The following RETREG2 variants were observed in gnomAD, a reference collection of about 807,000 sequenced individuals.
RETREG2 encodes the protein reticulophagy regulator 2.
A neutral mutation model predicts 51.6 loss-of-function variants in RETREG2; 21 were observed. That is an observed-to-expected ratio of 0.41 (90% confidence interval 0.29 to 0.59). The LOEUF is 0.59. RETREG2 is among the 20% of genes least tolerant of loss of function. RETREG2 has a pLI of 0.34. For synonymous variants in RETREG2, 339 were observed against 288.6 expected, an observed-to-expected ratio of 1.17 and a Z score of -1.77; for missense variants, 674 against 646.0, an observed-to-expected ratio of 1.04 and a Z score of -0.47.
rs1174628552 is a variant in RETREG2 at position 219,182,824 on chromosome 2, G to A, written c.*195G>A. 1.6e-6 allele frequency: 1 copy of A among 638,042 alleles called. No individual in the cohort carries two copies. The allele number at this position is 638,042 out of a possible 1,614,324, so 39.5% of individuals were successfully genotyped here. ...GGTGCAGTACCTGTGCCTAGGATTG[G>A]TTTTAAATTTGTAAATAATTTTCCA... On this transcript the variant is annotated 3_prime_UTR_variant, in exon 9 of 9. Transcript: ENST00000430297.
Position 219,182,689 on chromosome 2 carries a change from G to A in RETREG2, c.*60G>A. On this transcript the variant is annotated 3_prime_UTR_variant, in exon 9 of 9. Coordinates refer to ENST00000430297, the MANE Select transcript of RETREG2 (RefSeq NM_024293.6). ...GGGCTTCCTGGCTAGGAGTGTTGCT[G>A]TTTCCTCCTTTGCCTACCACTCTGG... The A allele has an allele frequency of 1.3e-6, 2 of 1,577,672 alleles. No homozygotes were observed. Among genetic ancestry groups the A allele is most frequent in the South Asian group, 1.1e-5 (1 of 87,084 alleles).
rs76641841 is a variant in RETREG2 at position 219,180,090 on chromosome 2, G to C, written c.420-20G>C. On this transcript the variant is annotated intron_variant, in intron 3 of 8. Coordinates refer to ENST00000430297, the MANE Select transcript of RETREG2 (RefSeq NM_024293.6). ...AAGCTGGTATCTGAGGCCTCCAGGG[G>C]TCATGTCATGTCTCCCCAGTGAGGG... The C allele has an allele frequency of 9.2e-5, 149 of 1,613,652 alleles. No individual in the cohort carries two copies. In the East Asian group the frequency reaches 2.8e-3, roughly 30 times the overall value.
intron 8 of RETREG2, 36 bp downstream of exon 8, chr2:219,181,811 C>A (rs1277098387): frequency 2.5e-6 from 4 of 1,606,138 alleles, no homozygotes; most frequent in Non-Finnish European, 3.4e-6. Flanking sequence ...CTCCCCGCCA[C>A]AATCTTTGTG....
rs1159975297 is a variant in RETREG2 at position 219,180,174 on chromosome 2, G to A, written c.484G>A (p.Ala162Thr). ...TGTGCCCGAGTTGTGCAGATACCTG[G>A]CTGAGAGCTGGCTCACCTTCCAGAT... ...LSVPELCRYL[A>T]ESWLTFQIHL... The change falls in exon 4 of 9, where the codon GCT becomes ACT. Residue 162 changes from alanine to threonine, a missense_variant. Coordinates refer to ENST00000430297, the MANE Select transcript of RETREG2 (RefSeq NM_024293.6). 1 of 1,614,072 alleles carries A rather than the reference G, an allele frequency of 6.2e-7. No individual in the cohort carries two copies. Among genetic ancestry groups the A allele is most frequent in the Non-Finnish European group, 8.5e-7 (1 of 1,180,030 alleles).
intron 5 of RETREG2, 60 bp from the exon 6 acceptor site, chr2:219,181,002 G>T (rs1468000171): frequency 1.2e-6 from 2 of 1,602,724 alleles, no homozygotes; most frequent in African/African-American, 1.3e-5. Flanking sequence ...GGGACCAGTT[G>T]AATGGGGGCT....
At chr2:219,180,643 T>G (rs1278653739) in intron 4 of RETREG2, 27 bp from the exon 5 acceptor site, 2 of 1,614,134 alleles carry the variant, frequency 1.2e-6, no homozygotes, top group African/African-American at 2.7e-5. Context: ...CAGCGTGATG[T>G]TCTTAGACTT....
In RETREG2 at chr2:219,185,405, T is replaced by C. The variant is rs2106404081; in HGVS notation, c.*2776T>C. ...CATTTTAGCTATGTATTCAAACAGC[T>C]AATAGTTTAATGTTGCTGCTTATAA... On this transcript the variant is annotated 3_prime_UTR_variant, in exon 9 of 9. Transcript: ENST00000430297. The C allele has an allele frequency of 6.6e-6, 1 of 152,220 alleles. No homozygotes were observed. Among genetic ancestry groups the C allele is most frequent in the East Asian group, 1.9e-4 (1 of 5,206 alleles). 9.4% of individuals were successfully genotyped at this position (152,220 alleles called of 1,614,324 possible). A position where few individuals can be genotyped will look rare whatever the true frequency, so the allele number is the denominator to read the frequency against.
At chr2:219,180,583 T>C in intron 4 of RETREG2, 87 bp from the exon 5 acceptor site, 2 of 1,604,050 alleles carry the variant, frequency 1.2e-6, no homozygotes, top group Non-Finnish European at 1.7e-6. Context: ...TACCCATCCT[T>C]CTACCAGCTG....
rs568821496 is a variant in RETREG2 at position 219,181,482 on chromosome 2, G to A, written c.879+19G>A. 61 of 1,612,922 alleles carry A rather than the reference G, an allele frequency of 3.8e-5. No individual in the cohort carries two copies. The highest frequency in any genetic ancestry group is 6.7e-5 in the African/African-American group (5 of 74,978). On this transcript the variant is annotated intron_variant, in intron 7 of 8. Coordinates refer to ENST00000430297, the MANE Select transcript of RETREG2 (RefSeq NM_024293.6). Reference sequence around the variant, plus strand: ...CCCAGTGGTGAGGTCCAGGGAAAGCGGGGGTGTCAAATAGAAAGCCAGAGG... The same window carrying A: ...CCCAGTGGTGAGGTCCAGGGAAAGCAGGGGTGTCAAATAGAAAGCCAGAGG...
chr2:219,178,457 CACCAGTGAGGCA>C lies in RETREG2; in HGVS notation c.106_117del (p.Thr36_Ala39del). The C allele has an allele frequency of 1.2e-6, 1 of 867,694 alleles. No individual in the cohort carries two copies. The highest frequency in any genetic ancestry group is 1.7e-6 in the Non-Finnish European group (1 of 587,360). 53.7% of individuals were successfully genotyped at this position (867,694 alleles called of 1,614,324 possible). ...GTCTGAGCCTAGGCATGAGTGAGGC[CACCAGTGAGGCA>C]GAGGAGGAGGCGGCCACGGCCGAGG... On this transcript the variant is annotated inframe_deletion, in exon 1 of 9. Transcript: ENST00000430297.
In RETREG2 at chr2:219,178,571, G is replaced by A; in HGVS notation, c.219G>A (p.Leu73=). The part of the protein sequence containing the change: ...WEAVLAAAQR[L]LVWEKPLHSL... ...CGGTGCTGGCGGCGGCGCAGCGGTT[G>A]CTGGTGTGGGAGAAGCCGCTGCACA... The change falls in exon 1 of 9, where the codon TTG becomes TTA. Residue 73 remains leucine, a synonymous_variant. Transcript: ENST00000430297. The A allele has an allele frequency of 7.5e-6, 11 of 1,459,384 alleles. No homozygotes were observed. The Middle Eastern group carries it at 7.3e-4, about 96-fold the overall frequency. 90.4% of individuals were successfully genotyped at this position (1,459,384 alleles called of 1,614,324 possible). A position where few individuals can be genotyped will look rare whatever the true frequency, so the allele number is the denominator to read the frequency against.
chr2:219,181,609 CAT>C, intron 7 of RETREG2, 29 bp from the exon 8 acceptor site: 1 of 1,612,030 alleles, frequency 6.2e-7, no homozygotes, highest in Non-Finnish European at 8.5e-7. Context: ...TATCCCCTCA[CAT>C]GTCGTGTTCA....
At position 219,182,711 on chromosome 2, in the gene RETREG2, CTG is replaced by C; in HGVS notation, c.*83_*84del. Reference sequence around the variant, plus strand: ...GCTGTTTCCTCCTTTGCCTACCACTCTGGGGTGGGGCAGTGTGTGGGGAAGCT... The same window carrying C: ...GCTGTTTCCTCCTTTGCCTACCACTCGGGTGGGGCAGTGTGTGGGGAAGCT... On this transcript the variant is annotated 3_prime_UTR_variant, in exon 9 of 9. Coordinates refer to ENST00000430297, the MANE Select transcript of RETREG2 (RefSeq NM_024293.6). 3 of 1,521,050 alleles carry C rather than the reference CTG, an allele frequency of 2.0e-6. No individual in the cohort carries two copies. Among genetic ancestry groups the C allele is most frequent in the South Asian group, 1.2e-5 (1 of 81,714 alleles). The allele number at this position is 1,521,050 out of a possible 1,614,324, so 94.2% of individuals were successfully genotyped here.
chr2:219,181,225 C>T lies in RETREG2; in HGVS notation c.784+20C>T. 1 of 1,613,524 alleles carries T rather than the reference C, an allele frequency of 6.2e-7. No homozygotes were observed. The highest frequency in any genetic ancestry group is 8.5e-7 in the Non-Finnish European group (1 of 1,179,602). ...AGAGGAGTAAGGGGCTGCCCTAAGC[C>T]AGGAGGGTGAAAGAGCGGGAGGGCC... On this transcript the variant is annotated intron_variant, in intron 6 of 8. Transcript: ENST00000430297.
At position 219,183,644 on chromosome 2, in the gene RETREG2, G is replaced by C. The variant is rs1048081194; in HGVS notation, c.*1015G>C. The stretch of plus-strand genomic sequence containing the variant: ...AGCAAGGATTACCTTGACAACCCTA[G>C]CTTCTCCTTAGCCATCTTCCTTGAC... On this transcript the variant is annotated 3_prime_UTR_variant, in exon 9 of 9. Coordinates refer to ENST00000430297, the MANE Select transcript of RETREG2 (RefSeq NM_024293.6). 5 of 152,172 alleles carry C rather than the reference G, an allele frequency of 3.3e-5. No individual in the cohort carries two copies. The highest frequency in any genetic ancestry group is 1.2e-4 in the African/African-American group (5 of 41,402). The allele number at this position is 152,172 out of a possible 1,614,324, so 9.4% of individuals were successfully genotyped here.
chr2:219,182,804 A>C lies in RETREG2; in HGVS notation c.*175A>C. The C allele has an allele frequency of 1.5e-6, 1 of 681,038 alleles. No individual in the cohort carries two copies. The highest frequency in any genetic ancestry group is 2.7e-5 in the East Asian group (1 of 36,762). The allele number at this position is 681,038 out of a possible 1,614,324, so 42.2% of individuals were successfully genotyped here. A position where few individuals can be genotyped will look rare whatever the true frequency, so the allele number is the denominator to read the frequency against. ...CTGCCTGCTGTCCTGGGCATGGTGCAGTACCTGTGCCTAGGATTGGTTTTA... is the reference window on the plus strand; with the variant it reads ...CTGCCTGCTGTCCTGGGCATGGTGCCGTACCTGTGCCTAGGATTGGTTTTA... On this transcript the variant is annotated 3_prime_UTR_variant, in exon 9 of 9. Coordinates refer to ENST00000430297, the MANE Select transcript of RETREG2 (RefSeq NM_024293.6).
chr2:219,181,216 G>T lies in RETREG2; in HGVS notation c.784+11G>T, dbSNP rs769682211. ...AACACGACAAGAGGAGTAAGGGGCT[G>T]CCCTAAGCCAGGAGGGTGAAAGAGC... On this transcript the variant is annotated intron_variant, in intron 6 of 8. Transcript: ENST00000430297. The T allele has an allele frequency of 1.2e-6, 2 of 1,613,748 alleles. No individual in the cohort carries two copies. The highest frequency in any genetic ancestry group is 2.7e-5 in the African/African-American group (2 of 74,922).
In RETREG2 at chr2:219,185,202, TATC is replaced by T. The variant is rs1486900061; in HGVS notation, c.*2575_*2577del. On this transcript the variant is annotated 3_prime_UTR_variant, in exon 9 of 9. Coordinates refer to ENST00000430297, the MANE Select transcript of RETREG2 (RefSeq NM_024293.6). The stretch of plus-strand genomic sequence containing the variant: ...TTTGTCTATGATTTTTTTTTTCTAT[TATC>T]AGGTGTCTTGGCCGGTTCATGCCCC... 1 of 152,080 alleles carries T rather than the reference TATC, an allele frequency of 6.6e-6. No individual in the cohort carries two copies. Among genetic ancestry groups the T allele is most frequent in the African/African-American group, 2.4e-5 (1 of 41,402 alleles). The allele number at this position is 152,080 out of a possible 1,614,324, so 9.4% of individuals were successfully genotyped here.
In RETREG2 at chr2:219,180,704, T is replaced by C; in HGVS notation, c.590T>C (p.Leu197Ser). 6.2e-7 allele frequency: 1 copy of C among 1,614,058 alleles called. No individual in the cohort carries two copies. The highest frequency in any genetic ancestry group is 8.5e-7 in the Non-Finnish European group (1 of 1,179,894). Residue 197 changes from leucine to serine, a missense_variant, in exon 5 of 9, where the codon TTG becomes TCG. Leu to Ser is a moderately radical substitution (Grantham distance 145). Transcript: ENST00000430297. ...CVRVCSGCAV[L>S]AVLGHYVPGI... is the part of the protein sequence containing the mutation. ...CGAGTCTGCTCTGGCTGTGCTGTGT[T>C]GGCTGTGTTGGGACACTATGTTCCA...
Sources: allele counts gnomAD v4.1 joint callset, GRCh38; gene constraint gnomAD v4.1.1; transcripts MANE v1.5; gene names NCBI Gene and HGNC (gene_info 2026-07-23, HGNC 2026-07-21).